ECT2L: variants seen among roughly 807,000 people sequenced by gnomAD.
ECT2L encodes epithelial cell-transforming sequence 2 oncogene-like.
ECT2L carries 126 observed loss-of-function variants against 122.8 expected under a neutral mutation model. The observed-to-expected ratio is 1.03, with a 90% CI of 0.89 to 1.19. The LOEUF (loss-of-function observed/expected upper bound fraction) is 1.19, where lower values mean the gene tolerates loss of function less well. Ranked by LOEUF, ECT2L falls within the 50% of genes most tolerant of loss-of-function variation. The probability of loss-of-function intolerance (pLI) is 0.00; values close to 1 mark genes in which losing one functional copy is unlikely to be tolerated. For missense variants in ECT2L, 1,012 were observed against 1,064.1 expected (o/e 0.95, Z 0.68); for synonymous variants, 385 against 381.8 (o/e 1.01, Z -0.10).
At chr6:138,804,464 A>G (rs1775647939) in intron 1 of ECT2L, among the ~76,000 whole-genome samples, 1 of 152,072 alleles carries the variant, frequency 6.6e-6, no homozygotes. Flanking sequence ...TCTTATTACT[A>G]CAGCTTTATA....
chr6:138,855,334 CCCATCT>C (rs1236710514), intron 10 of ECT2L, among the ~76,000 whole-genome samples: 1 of 151,840 alleles, frequency 6.6e-6, no homozygotes, highest in Non-Finnish European at 1.5e-5. Flanking sequence ...ATGGCAAAAC[CCCATCT>C]CTACTAAAAA....
At chr6:138,850,080 C>T (rs2128393532) in intron 9 of ECT2L, among the ~76,000 whole-genome samples, 1 of 152,208 alleles carries the variant, frequency 6.6e-6, no homozygotes, top group South Asian at 2.1e-4. Context: ...GACTTCATTT[C>T]TATGAATTTG....
intron 4 of ECT2L, among the ~76,000 whole-genome samples, chr6:138,825,709 A>G (rs1776424149): frequency 6.6e-6 from 1 of 152,192 alleles, no homozygotes; most frequent in African/African-American, 2.4e-5. Context: ...CTATATATGG[A>G]TCCGATTAGA....
chr6:138,838,431 CTA>C lies in ECT2L; in HGVS notation c.265_266del (p.Ile89LeufsTer24). 6.2e-7 allele frequency: 1 copy of C among 1,614,056 alleles called. No homozygotes were observed. The highest frequency in any genetic ancestry group is 8.5e-7 in the Non-Finnish European group (1 of 1,179,994). ...TACAGTGTTACCACGCTTCATTTCT[CTA>C]TATATCTTTTCCTTTTTGAGTCCGA... Reference protein sequence around the residue: ...FSTVLPRFISLYIFSFLSPKD... With the variant: ...FSTVLPRFISXYIFSFLSPKD... On this transcript the variant is annotated frameshift_variant, in exon 5 of 22. Coordinates refer to ENST00000541398, the MANE Select transcript of ECT2L (RefSeq NM_001077706.3). LOFTEE classifies it high-confidence loss of function.
At chr6:138,857,969 G>A (rs1326979429) in intron 10 of ECT2L, among the ~76,000 whole-genome samples, 1 of 152,154 alleles carries the variant, frequency 6.6e-6, no homozygotes, top group Admixed American at 6.5e-5. Flanking sequence ...GAGAACTGAG[G>A]AAAAGAGGAA....
intron 21 of ECT2L, among the ~76,000 whole-genome samples, chr6:138,901,666 C>T (rs1779399882): frequency 6.6e-6 from 1 of 152,152 alleles, no homozygotes. Context: ...GTCACGAAAA[C>T]GAAATCCTAC....
rs528270507 is a variant in ECT2L at position 138,816,634 on chromosome 6, A to G, written c.179+2031A>G. On this transcript the variant is annotated intron_variant, in intron 4 of 21. Transcript: ENST00000541398. ...TGAGTAGCTGGGACTACAGGCGCCC[A>G]CCACCACGCCCAGCTACTTTTTTTG... 1.6e-4 allele frequency among the ~76,000 whole-genome samples: 25 copies of G among 152,004 alleles called. No homozygotes were observed. The East Asian group carries it at 3.9e-3, about 24-fold the overall frequency.
At chr6:138,844,086 C>T (rs1483536615) in intron 6 of ECT2L, among the ~76,000 whole-genome samples, 1 of 152,130 alleles carries the variant, frequency 6.6e-6, no homozygotes, top group African/African-American at 2.4e-5. Context: ...CTGGTGAGAT[C>T]GTGACAAATA....
At position 138,860,026 on chromosome 6, in the gene ECT2L, T is replaced by C. The variant is rs536866964; in HGVS notation, c.1199-2601T>C. Among the ~76,000 whole-genome samples the C allele has an allele frequency of 9.3e-4, 141 of 152,256 alleles. 1 individual carries two copies. The highest frequency in any genetic ancestry group is 3.9e-4 in the Admixed American group (6 of 15,296). ...TTTTAGTAGAGACAGGGTTTCACCA[T>C]GTTGGCCAGGCTGGTCTTGAACTCC... On this transcript the variant is annotated intron_variant, in intron 10 of 21. Coordinates refer to ENST00000541398, the MANE Select transcript of ECT2L (RefSeq NM_001077706.3).
chr6:138,843,185 A>AAAG lies in ECT2L; in HGVS notation c.550_552dup (p.Lys184dup), dbSNP rs1777105348. 4 of 1,612,462 alleles carry AAAG rather than the reference A, an allele frequency of 2.5e-6. No individual in the cohort carries two copies. Among genetic ancestry groups the AAAG allele is most frequent in the Non-Finnish European group, 3.4e-6 (4 of 1,179,122 alleles). ...AGGAACTACTGGAGAGACAAAGAGA[A>AAAG]AAGTGCCTGAGGAAAAGAATTTGGG... On this transcript the variant is annotated inframe_insertion, in exon 6 of 22. Transcript: ENST00000541398.
intron 1 of ECT2L, among the ~76,000 whole-genome samples, chr6:138,805,501 T>C (rs1775684665): frequency 6.6e-6 from 1 of 152,234 alleles, no homozygotes; most frequent in African/African-American, 2.4e-5. Context: ...AGGAAACGTG[T>C]TATTTTTCAC....
chr6:138,802,486 A>C (rs1775576209), intron 1 of ECT2L, among the ~76,000 whole-genome samples: 1 of 152,244 alleles, frequency 6.6e-6, no homozygotes, highest in Non-Finnish European at 1.5e-5. Context: ...AACAATGAAC[A>C]AGGGAAAATG....
At chr6:138,812,346 A>T (rs938603707) in intron 1 of ECT2L, among the ~76,000 whole-genome samples, 3 of 152,264 alleles carry the variant, frequency 2.0e-5, no homozygotes, top group Non-Finnish European at 4.4e-5. Context: ...CTTGAACCAC[A>T]GAAGCTTTGA....
In ECT2L at chr6:138,885,665, C is replaced by T; in HGVS notation, c.2103-9C>T. On this transcript the variant is annotated splice_polypyrimidine_tract_variant and intron_variant, in intron 17 of 21. Coordinates refer to ENST00000541398, the MANE Select transcript of ECT2L (RefSeq NM_001077706.3). ...GAGACCAGAGCTCCCTTCTCTATGC[C>T]TCATACAGCCTGCCAGAGCTGCTGC... The T allele has an allele frequency of 6.2e-7, 1 of 1,613,828 alleles. No homozygotes were observed. Among genetic ancestry groups the T allele is most frequent in the Middle Eastern group, 1.7e-4 (1 of 6,060 alleles).
chr6:138,900,026 T>A (rs1211206650), intron 20 of ECT2L, among the ~76,000 whole-genome samples: 2 of 152,222 alleles, frequency 1.3e-5, no homozygotes, highest in Non-Finnish European at 2.9e-5. Context: ...TGCCCCTTGA[T>A]AAATATGCCT....
intron 8 of ECT2L, among the ~76,000 whole-genome samples, chr6:138,847,954 C>A (rs575218701): frequency 1.3e-5 from 2 of 152,248 alleles, no homozygotes; most frequent in East Asian, 3.9e-4. Flanking sequence ...CCTCAGGAAA[C>A]TTACAGTCAT....
chr6:138,865,735 T>C (rs1419550537), intron 12 of ECT2L, among the ~76,000 whole-genome samples: 1 of 152,218 alleles, frequency 6.6e-6, no homozygotes. Flanking sequence ...ACTTTGCATC[T>C]TTACCTAAAT....
intron 4 of ECT2L, 124 bp from the exon 5 acceptor site, chr6:138,838,228 G>T: frequency 1.0e-6 from 1 of 997,680 alleles, no homozygotes; most frequent in Non-Finnish European, 1.4e-6. Flanking sequence ...CTAGATTTAT[G>T]TTTTGTTAGG....
At chr6:138,891,314 T>C (rs1051587217) in intron 20 of ECT2L, among the ~76,000 whole-genome samples, 3 of 152,188 alleles carry the variant, frequency 2.0e-5, no homozygotes, top group Non-Finnish European at 4.4e-5. Context: ...GTCATCTCTT[T>C]TGGGGAAAAT....
Sources: allele counts gnomAD v4.1 joint callset (sites outside exome capture counted in the v4.1 genomes callset), GRCh38; gene constraint gnomAD v4.1.1; transcripts MANE v1.5; gene names NCBI Gene and HGNC (gene_info 2026-07-23, HGNC 2026-07-21).